Variants in EVC2 observed in about 807,000 individuals in gnomAD.
The protein encoded by EVC2 is EvC ciliary complex subunit 2.
A neutral mutation model predicts 149.3 loss-of-function variants in EVC2; 148 were observed. The ratio of observed to expected loss-of-function variants is 0.99; its 90% CI spans 0.87 to 1.14. The LOEUF (loss-of-function observed/expected upper bound fraction) is 1.14, where lower values mean the gene tolerates loss of function less well. EVC2 is among the 50% of genes most tolerant of loss of function. The pLI is 0.00. For missense variants in EVC2, 1,854 were observed against 1,627.3 expected, an observed-to-expected ratio of 1.14 and a Z score of -2.40; for synonymous variants, 776 against 649.9, an observed-to-expected ratio of 1.19 and a Z score of -2.95.
At chr4:5,543,295 G>A in intron 21 of EVC2, 2 of 850,104 alleles carry the variant, frequency 2.4e-6, no homozygotes, top group South Asian at 1.5e-5. Context: ...CCCCAAGCCG[G>A]CAGGAGCACT....
intron 6 of EVC2, among the ~76,000 whole-genome samples, 180 bp from the exon 7 acceptor site, chr4:5,681,493 T>C (rs1448004454): frequency 6.6e-6 from 1 of 152,164 alleles, no homozygotes; most frequent in Non-Finnish European, 1.5e-5. Context: ...ATAGGATCCC[T>C]CCCTCTCTAC....
chr4:5,707,724 G>C (rs1447994765), intron 1 of EVC2, among the ~76,000 whole-genome samples: 1 of 152,114 alleles, frequency 6.6e-6, no homozygotes, highest in Non-Finnish European at 1.5e-5. Flanking sequence ...GGGAGGTCAA[G>C]TCTAGGGCTA....
chr4:5,706,337 G>GATAGATACATAGATAC (rs1560243185), intron 1 of EVC2, among the ~76,000 whole-genome samples: 1 of 54,170 alleles, frequency 1.8e-5, no homozygotes, highest in East Asian at 7.5e-4. Context: ...TAGATAGATA[G>GATAGATACATAGATAC]ATACATAGAT....
rs535962074 is a variant in EVC2, at chr4:5,677,336, G to A, written c.870+3924C>T. On this transcript the variant is annotated intron_variant, in intron 7 of 21. Transcript: ENST00000344408. The surrounding 1 kb of genome is among the most constrained non-coding windows in gnomAD (Gnocchi z 4.3). ...GGCCTTATGGTCCAAGAGTCAGCTGGGCCCACACAACACCATAGGGCCATC... is the reference window on the plus strand; with the variant it reads ...GGCCTTATGGTCCAAGAGTCAGCTGAGCCCACACAACACCATAGGGCCATC... 6.6e-5 allele frequency among the ~76,000 whole-genome samples: 10 copies of A among 152,220 alleles called. No individual in the cohort carries two copies. The highest frequency in any genetic ancestry group is 2.4e-4 in the African/African-American group (10 of 41,542).
chr4:5,703,088 A>T (rs1721929734), intron 1 of EVC2, among the ~76,000 whole-genome samples: 2 of 152,198 alleles, frequency 1.3e-5, no homozygotes, highest in African/African-American at 4.8e-5. Flanking sequence ...CTGTGACTTT[A>T]AGCCAAATGG....
chr4:5,565,508 T>TAAAA, intron 20 of EVC2, 149 bp from the exon 21 acceptor site: 2 of 672,956 alleles, frequency 3.0e-6, no homozygotes, highest in South Asian at 3.0e-5. Flanking sequence ...CAGTCTCTAC[T>TAAAA]AAAAAATACA....
chr4:5,610,787 T>G (rs1278658607), intron 16 of EVC2, among the ~76,000 whole-genome samples: 1 of 126,888 alleles, frequency 7.9e-6, no homozygotes, highest in Non-Finnish European at 1.5e-5. Flanking sequence ...TGCTCCTTTT[T>G]CCTTTTCTTT....
chr4:5,658,892 C>T (rs930793824), intron 9 of EVC2, among the ~76,000 whole-genome samples: 3 of 152,176 alleles, frequency 2.0e-5, no homozygotes, highest in African/African-American at 7.2e-5. Context: ...CACTCCATGC[C>T]CCTAGAAGCT....
chr4:5,581,189 T>C (rs1471585347), intron 17 of EVC2, among the ~76,000 whole-genome samples: 8 of 152,206 alleles, frequency 5.3e-5, no homozygotes, highest in Non-Finnish European at 4.4e-5. Context: ...AACAGACTAA[T>C]ACAGAAAATT....
rs972447723 is a variant in EVC2 at position 5,614,422 on chromosome 4, T to C, written c.2829+1000A>G. 6.6e-6 allele frequency among the ~76,000 whole-genome samples: 1 copy of C among 152,072 alleles called. No individual in the cohort carries two copies. The highest frequency in any genetic ancestry group is 2.1e-4 in the South Asian group (1 of 4,822). On this transcript the variant is annotated intron_variant, in intron 16 of 21. Transcript: ENST00000344408. The surrounding 1 kb of genome is among the most constrained non-coding windows in gnomAD (Gnocchi z 4.7). Reference sequence around the variant, plus strand: ...GACACTGTTGCCTCCCCAAAATACTTGTGGAACAAATTAACCATGTGATAG... The same window carrying C: ...GACACTGTTGCCTCCCCAAAATACTCGTGGAACAAATTAACCATGTGATAG...
At chr4:5,578,295 CAAT>C (rs984066688) in intron 17 of EVC2, among the ~76,000 whole-genome samples, 8 of 152,242 alleles carry the variant, frequency 5.3e-5, no homozygotes, top group Non-Finnish European at 7.4e-5. Context: ...ACAATAACAA[CAAT>C]GATGATGATG....
intron 1 of EVC2, among the ~76,000 whole-genome samples, chr4:5,698,645 T>G (rs536350057): frequency 1.8e-4 from 28 of 152,240 alleles, no homozygotes; most frequent in Non-Finnish European, 3.7e-4. Flanking sequence ...GCTTACGCTA[T>G]GTGCACTGAG....
chr4:5,563,418 C>T (rs1722075381), intron 21 of EVC2, among the ~76,000 whole-genome samples: 2 of 152,198 alleles, frequency 1.3e-5, no homozygotes, highest in Admixed American at 1.3e-4. Flanking sequence ...ACAACCTCGG[C>T]TCACTGCAAC....
At chr4:5,631,328 A>T (rs1392842274) in intron 11 of EVC2, among the ~76,000 whole-genome samples, 1 of 152,176 alleles carries the variant, frequency 6.6e-6, no homozygotes, top group African/African-American at 2.4e-5. Context: ...CCTGGGCTCA[A>T]GCAATCCTCC....
the EVC2 span, among the ~76,000 whole-genome samples, chr4:5,531,495 C>A: frequency 1.3e-5 from 2 of 152,100 alleles, no homozygotes; most frequent in Non-Finnish European, 2.9e-5. Flanking sequence ...TGTGAGTGAG[C>A]GAAGTTTCAT....
At chr4:5,610,706 C>T (rs557550858) in intron 16 of EVC2, among the ~76,000 whole-genome samples, 4 of 152,072 alleles carry the variant, frequency 2.6e-5, no homozygotes, top group Admixed American at 6.5e-5. Context: ...GCTCACCTGC[C>T]GGGCTCACCT....
intron 7 of EVC2, among the ~76,000 whole-genome samples, chr4:5,667,002 G>A (rs1228109241): frequency 6.6e-6 from 1 of 152,042 alleles, no homozygotes; most frequent in Admixed American, 6.6e-5. Flanking sequence ...GTGCCTGATG[G>A]CCTTTTAGAA....
At chr4:5,704,207 C>G (rs573122457) in intron 1 of EVC2, among the ~76,000 whole-genome samples, 4 of 152,196 alleles carry the variant, frequency 2.6e-5, no homozygotes, top group South Asian at 4.2e-4. Context: ...CACAATAATC[C>G]CAGAGAGAAG....
intron 21 of EVC2, among the ~76,000 whole-genome samples, 171 bp from the exon 22 acceptor site, chr4:5,563,286 A>C (rs1647162623): frequency 1.3e-5 from 2 of 152,180 alleles, no homozygotes; most frequent in South Asian, 4.1e-4. Context: ...AATTAGCTGA[A>C]GCCTGTAACA....
Sources: gnomAD v4.1 joint callset for allele counts (sites outside exome capture counted in the v4.1 genomes callset) on GRCh38, gnomAD v4.1.1 for gene constraint, Gnocchi (gnomAD v3.1) non-coding constraint, MANE v1.5 for transcripts, NCBI Gene and HGNC (gene_info 2026-07-23, HGNC 2026-07-21) for gene names.